The following FRMD4A variants were observed in gnomAD, a reference collection of about 807,000 sequenced individuals.
The protein encoded by FRMD4A is FERM domain-containing protein 4A.
A neutral mutation model predicts 129.1 loss-of-function variants in FRMD4A; 29 were observed. That is an observed-to-expected ratio of 0.22 (90% CI 0.17 to 0.31). The LOEUF (loss-of-function observed/expected upper bound fraction) is 0.31. FRMD4A is among the 10% of genes least tolerant of loss of function. The probability of loss-of-function intolerance (pLI) is 1.00; values close to 1 mark genes in which losing one functional copy is unlikely to be tolerated. For synonymous variants in FRMD4A, 634 were observed against 571.6 expected, an observed-to-expected ratio of 1.11 and a Z score of -1.56; for missense variants, 1,272 against 1,375.8, an observed-to-expected ratio of 0.92 and a Z score of 1.19.
At chr10:14,090,629 G>T (rs1353019217) in intron 2 of FRMD4A, among the ~76,000 whole-genome samples, 2 of 152,106 alleles carry the variant, frequency 1.3e-5, no homozygotes, top group Non-Finnish European at 2.9e-5. Context: ...CTCAGTTAAC[G>T]TTGGAACCAT....
intron 8 of FRMD4A, among the ~76,000 whole-genome samples, chr10:13,759,347 T>C (rs1329469004): frequency 6.6e-6 from 1 of 152,224 alleles, no homozygotes; most frequent in Non-Finnish European, 1.5e-5. Context: ...TAGGGGGCCA[T>C]GAATTACTGT....
chr10:13,679,450 A>AT (rs1564590803), intron 15 of FRMD4A, among the ~76,000 whole-genome samples: 2 of 45,342 alleles, frequency 4.4e-5, no homozygotes, highest in African/African-American at 9.1e-5. Context: ...AAAAAAAAAA[A>AT]AAAAAAAAAA....
At chr10:14,019,014 C>A (rs935082815) in intron 2 of FRMD4A, among the ~76,000 whole-genome samples, 2 of 152,060 alleles carry the variant, frequency 1.3e-5, no homozygotes, top group East Asian at 1.9e-4. Flanking sequence ...TCTCATGCAC[C>A]TTTACTGGAA....
chr10:14,208,447 G>A (rs565742283), intron 2 of FRMD4A, among the ~76,000 whole-genome samples: 36 of 152,182 alleles, frequency 2.4e-4, no homozygotes, highest in Admixed American at 5.2e-4. Flanking sequence ...TATCTACCGC[G>A]TGGATGCTGC....
intron 2 of FRMD4A, among the ~76,000 whole-genome samples, chr10:14,134,544 T>C (rs1009363421): frequency 2.7e-5 from 4 of 146,214 alleles, no homozygotes; most frequent in Admixed American, 1.4e-4. Flanking sequence ...GATGGAGGGA[T>C]TGGTGAAAAA....
At chr10:13,952,362 G>A (rs1051322816) in intron 2 of FRMD4A, among the ~76,000 whole-genome samples, 1 of 151,914 alleles carries the variant, frequency 6.6e-6, no homozygotes, top group African/African-American at 2.4e-5. Flanking sequence ...GGAGCCAGGT[G>A]TGGTGGCACA....
At chr10:14,251,068 T>G (rs1844421946) in intron 2 of FRMD4A, among the ~76,000 whole-genome samples, 1 of 150,902 alleles carries the variant, frequency 6.6e-6, no homozygotes, top group Admixed American at 6.6e-5. Flanking sequence ...AGCCAGTACC[T>G]AAACTGTGTA....
At chr10:13,740,127 T>A in intron 11 of FRMD4A, 67 bp downstream of exon 11, 1 of 890,364 alleles carries the variant, frequency 1.1e-6, no homozygotes, top group Non-Finnish European at 1.9e-6. Flanking sequence ...AGAAAACATA[T>A]AACGAGATGT....
At position 14,185,618 on chromosome 10, in the gene FRMD4A, A is replaced by G. The variant is rs373989404; in HGVS notation, c.45+144440T>C. 7.0e-3 allele frequency among the ~76,000 whole-genome samples: 566 copies of G among 80,716 alleles called. 1 individual carries two copies. Among genetic ancestry groups the G allele is most frequent in the Middle Eastern group, 0.014 (2 of 146 alleles). The allele number at this position is 80,716 out of a possible 152,430, so 53.0% of individuals were successfully genotyped here. Reference sequence around the variant, plus strand: ...AAACAGGTAGAGAGACAGAAAGGGGATATATACTTCATGGTCAGAGAGCTG... The same window carrying G: ...AAACAGGTAGAGAGACAGAAAGGGGGTATATACTTCATGGTCAGAGAGCTG... On this transcript the variant is annotated intron_variant, in intron 2 of 24. Coordinates refer to ENST00000357447, the MANE Select transcript of FRMD4A (RefSeq NM_018027.5).
At chr10:13,915,402 G>T (rs1372099619) in intron 2 of FRMD4A, among the ~76,000 whole-genome samples, 1 of 152,068 alleles carries the variant, frequency 6.6e-6, no homozygotes, top group East Asian at 1.9e-4. Flanking sequence ...GCTGGGCTCG[G>T]TGGCTCACGC....
chr10:14,211,592 T>C (rs747582770), intron 2 of FRMD4A, among the ~76,000 whole-genome samples: 1 of 152,176 alleles, frequency 6.6e-6, no homozygotes, highest in Non-Finnish European at 1.5e-5. Flanking sequence ...CCTGCCATGA[T>C]AAGATCTTTA....
At chr10:13,780,065 C>T (rs1030571399) in intron 6 of FRMD4A, among the ~76,000 whole-genome samples, 2 of 152,140 alleles carry the variant, frequency 1.3e-5, no homozygotes, top group Non-Finnish European at 2.9e-5. Flanking sequence ...GTGGCTCACA[C>T]CTGTAATCCC....
chr10:13,950,685 T>C (rs557639087), intron 2 of FRMD4A, among the ~76,000 whole-genome samples: 1 of 152,324 alleles, frequency 6.6e-6, no homozygotes, highest in South Asian at 2.1e-4. Context: ...CTTCCCACCA[T>C]GTGCCACATT....
intron 2 of FRMD4A, among the ~76,000 whole-genome samples, chr10:14,219,432 G>A (rs1359844451): frequency 2.0e-5 from 3 of 152,222 alleles, no homozygotes; most frequent in South Asian, 4.2e-4. Context: ...TTGTGCCAGC[G>A]CATTCTGATG....
chr10:13,966,621 A>G (rs1447681077), intron 2 of FRMD4A, among the ~76,000 whole-genome samples: 2 of 152,216 alleles, frequency 1.3e-5, no homozygotes, highest in African/African-American at 4.8e-5. Context: ...GTTTCCCTCC[A>G]GGGCTGGGGC....
intron 2 of FRMD4A, among the ~76,000 whole-genome samples, chr10:13,965,601 C>T (rs778772707): frequency 1.3e-5 from 2 of 152,204 alleles, no homozygotes; most frequent in African/African-American, 2.4e-5. Flanking sequence ...ATCTTACTCT[C>T]AACAGCATGT....
chr10:13,662,066 T>C (rs11258506), intron 19 of FRMD4A, among the ~76,000 whole-genome samples: 11,958 of 152,124 alleles, frequency 0.079, 593 homozygotes, highest in Non-Finnish European at 0.12. Flanking sequence ...CGGAATGATA[T>C]CTCAAAATTA....
chr10:13,910,950 T>C (rs1452347176), intron 2 of FRMD4A, among the ~76,000 whole-genome samples: 2 of 147,888 alleles, frequency 1.4e-5, no homozygotes, highest in East Asian at 3.9e-4. Context: ...AAAACTTGTC[T>C]TTTAAGGGAA....
chr10:13,756,562 G>A (rs1588578837), intron 8 of FRMD4A, among the ~76,000 whole-genome samples: 1 of 152,074 alleles, frequency 6.6e-6, no homozygotes, highest in African/African-American at 2.4e-5. Flanking sequence ...ACGGGGTTTT[G>A]TCACGTTGCC....
Sources: gnomAD v4.1 joint callset for allele counts (sites outside exome capture counted in the v4.1 genomes callset) on GRCh38, gnomAD v4.1.1 for gene constraint, MANE v1.5 for transcripts, NCBI Gene and HGNC (gene_info 2026-07-23, HGNC 2026-07-21) for gene names.